MANBA: variants seen among roughly 807,000 people sequenced by gnomAD.
The protein encoded by MANBA is beta-mannosidase.
MANBA carries 83 observed loss-of-function variants against 111.1 expected under a neutral mutation model. The ratio of observed to expected loss-of-function variants is 0.75; its 90% CI spans 0.63 to 0.90. MANBA has a LOEUF of 0.90. Among genes scored for constraint, MANBA ranks in the 40% least tolerant of loss-of-function variants. MANBA has a pLI of 0.00. For missense variants in MANBA, 1,036 were observed against 1,069.0 expected, an observed-to-expected ratio of 0.97 and a Z score of 0.43; for synonymous variants, 370 against 378.7, an observed-to-expected ratio of 0.98 and a Z score of 0.27.
chr4:102,686,567 C>T (rs1301051993), intron 7 of MANBA, among the ~76,000 whole-genome samples: 1 of 152,184 alleles, frequency 6.6e-6, no homozygotes, highest in Non-Finnish European at 1.5e-5. Context: ...CCATGCTGAT[C>T]AAGGTGACCA....
chr4:102,678,948 C>G (rs17033142), intron 7 of MANBA, among the ~76,000 whole-genome samples: 8,104 of 152,282 alleles, frequency 0.053, 663 homozygotes, highest in African/African-American at 0.18. Flanking sequence ...AGCATCACTA[C>G]ATTTTCAAAA....
chr4:102,727,429 T>A, intron 1 of MANBA: 1 of 1,197,272 alleles, frequency 8.4e-7, no homozygotes, highest in Non-Finnish European at 1.2e-6. Flanking sequence ...GAGCTTGGTA[T>A]AGGCCAATTG....
At chr4:102,693,007 A>G (rs555013883) in intron 5 of MANBA, among the ~76,000 whole-genome samples, 3 of 152,344 alleles carry the variant, frequency 2.0e-5, no homozygotes, top group Non-Finnish European at 4.4e-5. Context: ...ATCAGCCAAA[A>G]GCATAGATTT....
chr4:102,699,416 T>A (rs1174432139), intron 5 of MANBA, among the ~76,000 whole-genome samples: 1 of 152,026 alleles, frequency 6.6e-6, no homozygotes, highest in African/African-American at 2.4e-5. Context: ...TGGTGAGAGA[T>A]GGCATCCCTG....
At chr4:102,649,430 T>G (rs938154777) in intron 13 of MANBA, among the ~76,000 whole-genome samples, 3 of 152,202 alleles carry the variant, frequency 2.0e-5, no homozygotes, top group African/African-American at 4.8e-5. Context: ...TTATCAATCT[T>G]TTTAATTTTA....
intron 6 of MANBA, 138 bp downstream of exon 6, chr4:102,690,458 C>G: frequency 1.3e-6 from 1 of 783,856 alleles, no homozygotes; most frequent in East Asian, 2.9e-5. Flanking sequence ...ATATGAGAGA[C>G]TAAAATAGAG....
chr4:102,685,197 G>T (rs952473287), intron 7 of MANBA, among the ~76,000 whole-genome samples: 1 of 152,068 alleles, frequency 6.6e-6, no homozygotes, highest in Non-Finnish European at 1.5e-5. Flanking sequence ...AGTAATTAAT[G>T]TTCTGTTTCT....
intron 1 of MANBA, chr4:102,728,686 C>A (rs1011872793): frequency 3.4e-6 from 2 of 596,362 alleles, no homozygotes; most frequent in East Asian, 6.6e-5. Flanking sequence ...TCCCTGTGCT[C>A]CCTTCTGCTC....
Position 102,683,605 on chromosome 4 carries a change from G to A in MANBA, c.960+5969C>T, listed in dbSNP as rs1732078136. Among the ~76,000 whole-genome samples, 4 of 152,098 alleles carry A rather than the reference G, an allele frequency of 2.6e-5. No individual in the cohort carries two copies. In the South Asian group the frequency reaches 6.2e-4, roughly 24 times the overall value. ...TAAAAACACTCAGTTAACCTGGGCA[G>A]AAAATGGCAAAAACTGATTGGTCAG... On this transcript the variant is annotated intron_variant, in intron 7 of 16. Coordinates refer to ENST00000647097, the MANE Select transcript of MANBA (RefSeq NM_005908.4).
intron 7 of MANBA, among the ~76,000 whole-genome samples, chr4:102,676,311 A>T (rs375743528): frequency 6.6e-6 from 1 of 152,214 alleles, no homozygotes; most frequent in South Asian, 2.1e-4. Context: ...AAACTTATAC[A>T]TGATAAGCTC....
chr4:102,702,645 AT>A (rs989792290), intron 5 of MANBA, among the ~76,000 whole-genome samples: 1 of 152,150 alleles, frequency 6.6e-6, no homozygotes, highest in Non-Finnish European at 1.5e-5. Flanking sequence ...AGAAACCACT[AT>A]TTTTAAGGAC....
At chr4:102,734,255 A>G in intron 1 of MANBA, 1 of 1,165,730 alleles carries the variant, frequency 8.6e-7, no homozygotes. Context: ...TTTGCTGTAA[A>G]CCTACAAAGT....
At chr4:102,632,773 A>G (rs1460617588) in intron 16 of MANBA, among the ~76,000 whole-genome samples, 1 of 152,264 alleles carries the variant, frequency 6.6e-6, no homozygotes, top group African/African-American at 2.4e-5. Flanking sequence ...CTTTTACTGC[A>G]TAGTTAAGTA....
chr4:102,668,359 G>A (rs1056550816), intron 10 of MANBA: 3 of 57,366 alleles, frequency 5.2e-5, no homozygotes, highest in African/African-American at 1.2e-4. Context: ...ATTTCTCTAA[G>A]AAGCTTTTCT....
intron 12 of MANBA, among the ~76,000 whole-genome samples, chr4:102,656,346 C>T (rs1730556846): frequency 6.6e-6 from 1 of 152,030 alleles, no homozygotes; most frequent in Non-Finnish European, 1.5e-5. Flanking sequence ...AAAAAATGCT[C>T]AACATGATTA....
In MANBA at chr4:102,760,955, C is replaced by G. The variant is rs1361315135; in HGVS notation, c.-61G>C. ...GAAAGGCAGCGCTGCAAGGGACCGG[C>G]GGTGAAGCCACTCACCCCCTCGGAA... On this transcript the variant is annotated 5_prime_UTR_variant, in exon 1 of 17. Coordinates refer to ENST00000647097, the MANE Select transcript of MANBA (RefSeq NM_005908.4). 40 of 1,476,500 alleles carry G rather than the reference C, an allele frequency of 2.7e-5. No homozygotes were observed. The highest frequency in any genetic ancestry group is 7.4e-5 in the East Asian group (3 of 40,630). The allele number at this position is 1,476,500 out of a possible 1,614,324, so 91.5% of individuals were successfully genotyped here. A position where few individuals can be genotyped will look rare whatever the true frequency, so the allele number is the denominator to read the frequency against.
chr4:102,643,150 A>G (rs138338469), intron 13 of MANBA, among the ~76,000 whole-genome samples: 5 of 152,220 alleles, frequency 3.3e-5, no homozygotes, highest in Non-Finnish European at 2.9e-5. Context: ...AAACCACTTA[A>G]TCTACTTCCT....
rs115773378 is a variant in MANBA at position 102,756,657 on chromosome 4, A to G, written c.177+4061T>C. 5.0e-3 allele frequency among the ~76,000 whole-genome samples: 759 copies of G among 152,114 alleles called. 9 individuals carry two copies. Among genetic ancestry groups the G allele is most frequent in the African/African-American group, 0.018 (728 of 41,558 alleles). ...AAAAGGGAAAAAATAAAAAATAAAA[A>G]TAAATAAATATATAAAACTGTTGGG... On this transcript the variant is annotated intron_variant, in intron 1 of 16. Coordinates refer to ENST00000647097, the MANE Select transcript of MANBA (RefSeq NM_005908.4).
At chr4:102,700,391 C>G (rs1218270456) in intron 5 of MANBA, among the ~76,000 whole-genome samples, 4 of 151,942 alleles carry the variant, frequency 2.6e-5, no homozygotes, top group African/African-American at 9.7e-5. Flanking sequence ...TATTTCTTGC[C>G]TTCTGCTAGC....
Sources: gnomAD v4.1 joint callset for allele counts (sites outside exome capture counted in the v4.1 genomes callset) on GRCh38, gnomAD v4.1.1 for gene constraint, MANE v1.5 for transcripts, NCBI Gene and HGNC (gene_info 2026-07-23, HGNC 2026-07-21) for gene names.